NAXD: variants seen among roughly 807,000 people sequenced by gnomAD.
NAXD encodes the protein ATP-dependent (S)-NAD(P)H-hydrate dehydratase.
Under a neutral mutation model 35.8 loss-of-function variants are expected in NAXD, and 22 were observed. The ratio of observed to expected loss-of-function variants is 0.62; its 90% CI spans 0.44 to 0.88. The LOEUF (loss-of-function observed/expected upper bound fraction) is 0.88. NAXD is among the 40% of genes least tolerant of loss of function. The pLI is 0.00. For synonymous variants in NAXD, 189 were observed against 177.6 expected (o/e 1.06, Z -0.51); for missense variants, 428 against 437.7 (o/e 0.98, Z 0.20).
chr13:110,634,841 G>C, intron 7 of NAXD, 65 bp downstream of exon 7: 1 of 1,223,850 alleles, frequency 8.2e-7, no homozygotes, highest in Non-Finnish European at 1.2e-6. Flanking sequence ...GGTGAAGGAC[G>C]AGCTCCATGC....
chr13:110,634,912 A>C, intron 7 of NAXD, 136 bp downstream of exon 7: 1 of 682,426 alleles, frequency 1.5e-6, no homozygotes, highest in Non-Finnish European at 2.6e-6. Flanking sequence ...CTCCCAGCGG[A>C]TGGCGCGTCT....
intron 7 of NAXD, among the ~76,000 whole-genome samples, chr13:110,635,168 G>C (rs562152594): frequency 6.6e-6 from 1 of 152,168 alleles, no homozygotes; most frequent in Non-Finnish European, 1.5e-5. Context: ...TGCCCAGTAC[G>C]ACTGGAATTT....
intron 5 of NAXD, among the ~76,000 whole-genome samples, 184 bp downstream of exon 5, chr13:110,627,731 G>C (rs3742194): frequency 0.14 from 20,982 of 152,242 alleles, 1,715 homozygotes; most frequent in Admixed American, 0.26. Flanking sequence ...GTGCTGAGAT[G>C]TGCTTCTCTC....
chr13:110,638,679 A>T lies in NAXD; in HGVS notation c.*151A>T. The T allele has an allele frequency of 2.3e-6, 2 of 875,520 alleles. No homozygotes were observed. Among genetic ancestry groups the T allele is most frequent in the Non-Finnish European group, 3.7e-6 (2 of 540,872 alleles). 54.2% of individuals were successfully genotyped at this position (875,520 alleles called of 1,614,324 possible). ...ATTGGTTGCCATTGAGAATTTAAGA[A>T]TCTGGAATATTGCAGCTTTTGGTTA... On this transcript the variant is annotated 3_prime_UTR_variant, in exon 10 of 10. Coordinates refer to ENST00000680254, the MANE Select transcript of NAXD (RefSeq NM_001242882.2). This position sits in a 1 kb window ranked among gnomAD's most constrained non-coding sequence, Gnocchi z 5.4.
At chr13:110,627,785 G>A (rs1416924013) in intron 5 of NAXD, among the ~76,000 whole-genome samples, 1 of 152,230 alleles carries the variant, frequency 6.6e-6, no homozygotes, top group East Asian at 1.9e-4. Context: ...GGAGGTGTGT[G>A]TGTGGAGTTG....
chr13:110,615,781 G>T, intron 1 of NAXD, 134 bp downstream of exon 1: 6 of 1,364,246 alleles, frequency 4.4e-6, no homozygotes, highest in South Asian at 1.8e-5. Flanking sequence ...GCAGGTACCC[G>T]ACCGCTGACC....
intron 5 of NAXD, among the ~76,000 whole-genome samples, chr13:110,632,648 A>T (rs1376251299): frequency 7.9e-5 from 12 of 152,058 alleles, no homozygotes; most frequent in Non-Finnish European, 1.0e-4. Context: ...GAGTGTCGAT[A>T]GGTGCACTCA....
At chr13:110,624,111 GTTAT>G (rs1886368344) in intron 2 of NAXD, 119 bp from the exon 3 acceptor site, 1 of 624,788 alleles carries the variant, frequency 1.6e-6, no homozygotes, top group Non-Finnish European at 2.8e-6. Context: ...TCATGTCTCT[GTTAT>G]TTATTGATAA....
In NAXD at chr13:110,638,389, T is replaced by C; in HGVS notation, c.851T>C (p.Leu284Pro). Residue 284 changes from leucine (L) to proline (P), a missense_variant, in exon 10 of 10, where the codon CTC (leucine) becomes CCC (proline). Physicochemically the swap from Leu to Pro is moderately conservative, Grantham distance 98. Transcript: ENST00000680254. The surrounding 1 kb of genome is among the most constrained non-coding windows in gnomAD (Gnocchi z 5.4). ...CCCCCTCTCCGCAGGTCCAGCCCTC[T>C]CCTGGTGGCCGCGTTTGGCGCCTGC... ...GPQKTNGSSPLLVAAFGACSL... is the reference protein window; with the variant it reads ...GPQKTNGSSPPLVAAFGACSL... The C allele has an allele frequency of 2.5e-6, 4 of 1,613,742 alleles. No homozygotes were observed. Among genetic ancestry groups the C allele is most frequent in the Non-Finnish European group, 3.4e-6 (4 of 1,180,010 alleles).
chr13:110,615,849 G>A (rs330551), intron 1 of NAXD: 200,155 of 1,219,046 alleles, frequency 0.16, 20,401 homozygotes, highest in African/African-American at 0.48. Context: ...GCGCGGGGCC[G>A]GGGCGCCGTG....
At chr13:110,622,430 C>A in intron 2 of NAXD, 64 bp downstream of exon 2, 1 of 1,531,722 alleles carries the variant, frequency 6.5e-7, no homozygotes. Context: ...GCTTACCTGA[C>A]TGTCATTCAC....
chr13:110,624,361 C>G, intron 3 of NAXD, 82 bp downstream of exon 3: 2 of 889,674 alleles, frequency 2.2e-6, no homozygotes, highest in Non-Finnish European at 3.7e-6. Context: ...CAAATGTTTT[C>G]TGATAGAAAT....
intron 3 of NAXD, among the ~76,000 whole-genome samples, 199 bp downstream of exon 3, chr13:110,624,478 G>A (rs1002337194): frequency 7.2e-5 from 11 of 151,984 alleles, no homozygotes; most frequent in African/African-American, 2.7e-4. Context: ...TTTTTTTTGA[G>A]ACAGAGTTTC....
At chr13:110,627,316 A>C in intron 4 of NAXD, 123 bp from the exon 5 acceptor site, 1 of 674,538 alleles carries the variant, frequency 1.5e-6, no homozygotes, top group South Asian at 2.0e-5. Flanking sequence ...TAAATTACAG[A>C]AATTATTTAA....
rs1594164098 is a variant in NAXD, at chr13:110,615,857, G to A, written c.46+210G>A. The A allele has an allele frequency of 1.2e-5, 14 of 1,175,598 alleles. No homozygotes were observed. The East Asian group carries it at 4.5e-4, about 38-fold the overall frequency. The allele number at this position is 1,175,598 out of a possible 1,614,324, so 72.8% of individuals were successfully genotyped here. The stretch of plus-strand genomic sequence containing the variant: ...AGCCCGCGCGCGGGGCCGGGGCGCC[G>A]TGTGGCCTGCGGGGCGGAGTAGGGA... On this transcript the variant is annotated intron_variant, in intron 1 of 9. Transcript: ENST00000680254.
chr13:110,625,372 T>G (rs541451341), intron 4 of NAXD, 94 bp downstream of exon 4: 315 of 816,846 alleles, frequency 3.9e-4, no homozygotes, highest in Non-Finnish European at 6.1e-4. Flanking sequence ...CTGATGGATT[T>G]TCCATCCTCA....
In NAXD at chr13:110,637,751, A is replaced by G. The variant is rs150040418; in HGVS notation, c.839+502A>G. 573 of 461,360 alleles carry G rather than the reference A, an allele frequency of 1.2e-3. 2 individuals carry two copies. Among genetic ancestry groups the G allele is most frequent in the African/African-American group, 0.01 (506 of 50,444 alleles). 28.6% of individuals were successfully genotyped at this position (461,360 alleles called of 1,614,324 possible). The stretch of plus-strand genomic sequence containing the variant: ...TAAGCATCTCCATTTCTCTTCTGTG[A>G]GCCCATCAAGGTGGTGGCTGCAGGT... On this transcript the variant is annotated intron_variant, in intron 9 of 9. Transcript: ENST00000680254.
chr13:110,623,234 G>A (rs1886332791), intron 2 of NAXD, among the ~76,000 whole-genome samples: 1 of 152,180 alleles, frequency 6.6e-6, no homozygotes, highest in Admixed American at 6.5e-5. Context: ...CAACGCTATT[G>A]ACACCGCTTT....
chr13:110,627,537 G>C lies in NAXD; in HGVS notation c.431G>C (p.Arg144Thr), dbSNP rs1886537769. 5 of 1,612,070 alleles carry C rather than the reference G, an allele frequency of 3.1e-6. No individual in the cohort carries two copies. In the South Asian group the frequency reaches 3.3e-5, roughly 11 times the overall value. The change falls in exon 5 of 10, where the codon AGA becomes ACA. Residue 144 changes from arginine (R) to threonine (T), a missense_variant. Physicochemically the swap from Arg to Thr is moderately conservative, Grantham distance 71. This residue lies in a region of NAXD where 208 missense variants were observed against 193.0 expected (regional missense o/e 1.08). Transcript: ENST00000680254. Reference sequence around the variant, plus strand: ...TTGGGTAGAGATGATGCGCTTCTCAGAAATGTCCAGGTAATGTGTATACTC... The same window carrying C: ...TTGGGTAGAGATGATGCGCTTCTCACAAATGTCCAGGTAATGTGTATACTC... ...PGLGRDDALL[R>T]NVQGILEVSK... is the part of the protein sequence containing the mutation.
Sources: allele counts gnomAD v4.1 joint callset (sites outside exome capture counted in the v4.1 genomes callset), GRCh38; gene constraint gnomAD v4.1.1; regional missense constraint gnomAD v4.1.1; non-coding constraint Gnocchi (gnomAD v3.1); transcripts MANE v1.5; gene names NCBI Gene and HGNC (gene_info 2026-07-23, HGNC 2026-07-21).